Variants in STK32A observed in about 807,000 individuals in gnomAD.
The protein encoded by STK32A is serine/threonine kinase 32A, also known as serine/threonine-protein kinase 32A.
A neutral mutation model predicts 53.2 loss-of-function variants in STK32A; 41 were observed. That is an observed-to-expected ratio of 0.77 (90% CI 0.60 to 1.00). The LOEUF is 1.00. Among genes scored for constraint, STK32A ranks in the 50% least tolerant of loss-of-function variants. STK32A has a pLI of 0.00. For missense variants in STK32A, 458 were observed against 485.8 expected (o/e 0.94, Z 0.54); for synonymous variants, 166 against 162.8 (o/e 1.02, Z -0.15).
intron 7 of STK32A, among the ~76,000 whole-genome samples, chr5:147,360,458 A>AG (rs1756449499): frequency 6.8e-6 from 1 of 146,878 alleles, no homozygotes; most frequent in Non-Finnish European, 1.5e-5. Flanking sequence ...CTCAAAAAAA[A>AG]AAAAAAAAAG....
intron 2 of STK32A, among the ~76,000 whole-genome samples, chr5:147,259,210 C>G (rs1835909): frequency 0.23 from 35,326 of 152,038 alleles, 4,613 homozygotes; most frequent in Admixed American, 0.33. Flanking sequence ...TAAGATTTTT[C>G]AGTTAGTAAG....
At chr5:147,317,518 G>A (rs1481202338) in intron 4 of STK32A, among the ~76,000 whole-genome samples, 1 of 151,570 alleles carries the variant, frequency 6.6e-6, no homozygotes, top group African/African-American at 2.4e-5. Context: ...AGTAGAGACG[G>A]GTTTCACCAT....
chr5:147,302,558 A>G (rs1477849637), intron 4 of STK32A, among the ~76,000 whole-genome samples: 1 of 152,202 alleles, frequency 6.6e-6, no homozygotes, highest in Non-Finnish European at 1.5e-5. Flanking sequence ...TACTCTGAAG[A>G]TGTAATTGTC....
intron 4 of STK32A, 46 bp downstream of exon 4, chr5:147,279,444 G>C (rs1453634343): frequency 2.0e-6 from 3 of 1,528,548 alleles, no homozygotes; most frequent in Non-Finnish European, 2.7e-6. Context: ...TCCTGTTATC[G>C]GTGGGCTAGG....
At chr5:147,262,988 T>C (rs759925010) in intron 2 of STK32A, among the ~76,000 whole-genome samples, 15 of 139,972 alleles carry the variant, frequency 1.1e-4, no homozygotes, top group Middle Eastern at 3.5e-3. Context: ...TTCTACCAAC[T>C]TGGAAAAAGA....
chr5:147,354,299 G>A (rs993196291), intron 7 of STK32A, among the ~76,000 whole-genome samples: 4 of 152,166 alleles, frequency 2.6e-5, no homozygotes, highest in African/African-American at 9.7e-5. Flanking sequence ...GGTTTCCTGG[G>A]TTTCCATATT....
At chr5:147,342,267 A>G (rs1469560801) in intron 5 of STK32A, among the ~76,000 whole-genome samples, 1 of 152,210 alleles carries the variant, frequency 6.6e-6, no homozygotes, top group Non-Finnish European at 1.5e-5. Context: ...TTAATGAGTA[A>G]CAAGTCCCAT....
intron 2 of STK32A, among the ~76,000 whole-genome samples, chr5:147,260,253 T>C (rs1422877624): frequency 7.8e-6 from 1 of 128,306 alleles, no homozygotes; most frequent in Admixed American, 8.1e-5. Flanking sequence ...TCTCTCTCTC[T>C]CCTCTCTCTC....
At chr5:147,401,155 A>T in the STK32A span, among the ~76,000 whole-genome samples, 1 of 152,360 alleles carries the variant, frequency 6.6e-6, no homozygotes, top group South Asian at 2.1e-4. Flanking sequence ...GATTGTCATC[A>T]TGACCAACTA....
chr5:147,335,530 T>A (rs149251165), intron 5 of STK32A, among the ~76,000 whole-genome samples: 3 of 152,142 alleles, frequency 2.0e-5, no homozygotes, highest in African/African-American at 7.2e-5. Flanking sequence ...CAGGGCTCCA[T>A]GCTAAATTCT....
At chr5:147,314,507 C>CAAAAAAA (rs1299138229) in intron 4 of STK32A, among the ~76,000 whole-genome samples, 2 of 12,768 alleles carry the variant, frequency 1.6e-4, no homozygotes, top group African/African-American at 2.8e-4. Flanking sequence ...TCAAAAAAAA[C>CAAAAAAA]AAAAAAAAAC....
intron 4 of STK32A, among the ~76,000 whole-genome samples, chr5:147,301,001 T>A (rs1383163034): frequency 6.6e-6 from 1 of 152,114 alleles, no homozygotes; most frequent in Non-Finnish European, 1.5e-5. Flanking sequence ...AATCAACTGA[T>A]AAAAGGCAGA....
intron 2 of STK32A, among the ~76,000 whole-genome samples, chr5:147,265,552 T>C (rs1754768794): frequency 6.6e-6 from 1 of 152,176 alleles, no homozygotes; most frequent in African/African-American, 2.4e-5. Flanking sequence ...ACAAGGGACA[T>C]TTGATTATTC....
rs576216441 is a variant in STK32A, at chr5:147,254,888, C to G, written c.52+15202C>G. On this transcript the variant is annotated intron_variant, in intron 2 of 12. Coordinates refer to ENST00000397936, the MANE Select transcript of STK32A (RefSeq NM_001112724.2). ...GGCGCGGTGGCTCACGCCTGTAATC[C>G]CAGCACTTTGGGAGGCAGAGGTGGG... Among the ~76,000 whole-genome samples, 83 of 152,142 alleles carry G rather than the reference C, an allele frequency of 5.5e-4. 1 individual carries two copies. Among genetic ancestry groups the G allele is most frequent in the Admixed American group, 4.7e-3 (72 of 15,290 alleles).
At chr5:147,330,950 G>A (rs1197605913) in intron 5 of STK32A, among the ~76,000 whole-genome samples, 1 of 152,196 alleles carries the variant, frequency 6.6e-6, no homozygotes, top group Non-Finnish European at 1.5e-5. Context: ...GGGCTGGAGT[G>A]TCACCTTTGT....
intron 2 of STK32A, among the ~76,000 whole-genome samples, chr5:147,273,663 A>T (rs1391020071): frequency 3.3e-5 from 5 of 152,204 alleles, no homozygotes; most frequent in Non-Finnish European, 7.3e-5. Context: ...GATGCAGTTA[A>T]TGAGCCTTAT....
chr5:147,272,335 C>G (rs1000225092), intron 2 of STK32A, among the ~76,000 whole-genome samples: 3 of 152,282 alleles, frequency 2.0e-5, no homozygotes, highest in Admixed American at 6.5e-5. Context: ...CCTCAGCCTC[C>G]CAAAGTGCTG....
chr5:147,268,168 C>T (rs970752936), intron 2 of STK32A, among the ~76,000 whole-genome samples: 1 of 152,108 alleles, frequency 6.6e-6, no homozygotes, highest in Non-Finnish European at 1.5e-5. Flanking sequence ...CTTTATATTG[C>T]AGTTGTTTAT....
chr5:147,341,201 A>G (rs1755387491), intron 5 of STK32A, among the ~76,000 whole-genome samples: 1 of 152,098 alleles, frequency 6.6e-6, no homozygotes, highest in African/African-American at 2.4e-5. Context: ...CCTCTTTTTC[A>G]CCTGGCAAAC....
Sources: allele counts gnomAD v4.1 joint callset (sites outside exome capture counted in the v4.1 genomes callset), GRCh38; gene constraint gnomAD v4.1.1; transcripts MANE v1.5; gene names NCBI Gene and HGNC (gene_info 2026-07-23, HGNC 2026-07-21).